Variants in TMCC1 observed in about 807,000 individuals in gnomAD.
The protein encoded by TMCC1 is transmembrane and coiled-coil domains protein 1.
TMCC1 carries 15 observed loss-of-function variants against 52.4 expected under a neutral mutation model. That is an observed-to-expected ratio of 0.29 (90% confidence interval 0.19 to 0.44). TMCC1 has a LOEUF of 0.44. Among genes scored for constraint, TMCC1 ranks in the 20% least tolerant of loss-of-function variants. TMCC1 has a pLI of 1.00. For missense variants in TMCC1, 503 were observed against 806.0 expected (o/e 0.62, Z 4.55); for synonymous variants, 279 against 301.9 (o/e 0.92, Z 0.79).
chr3:129,663,627 C>T (rs2087217101), intron 5 of TMCC1, among the ~76,000 whole-genome samples: 1 of 152,058 alleles, frequency 6.6e-6, no homozygotes, highest in Admixed American at 6.6e-5. Flanking sequence ...ATATCAGTCC[C>T]CCACAATATT....
intron 1 of TMCC1, among the ~76,000 whole-genome samples, chr3:129,882,374 G>A (rs928407714): frequency 6.6e-6 from 1 of 151,884 alleles, no homozygotes; most frequent in Non-Finnish European, 1.5e-5. Context: ...ACAAGTGCTG[G>A]CAAGGATATG....
chr3:129,649,543 C>G lies in TMCC1; in HGVS notation c.*1938G>C, dbSNP rs1285778932. ...TGAGGTTGGGGTGAAGACTGGAGTA[C>G]CTGAGTTAAAATATCAAAGTAGTTA... is the stretch of plus-strand genomic sequence containing the variant. On this transcript the variant is annotated 3_prime_UTR_variant, in exon 7 of 7. Transcript: ENST00000393238. 1.3e-5 allele frequency: 2 copies of G among 152,344 alleles called. No individual in the cohort carries two copies. Among genetic ancestry groups the G allele is most frequent in the African/African-American group, 4.8e-5 (2 of 41,342 alleles). The allele number at this position is 152,344 out of a possible 1,614,324, so 9.4% of individuals were successfully genotyped here. A position where few individuals can be genotyped will look rare whatever the true frequency, so the allele number is the denominator to read the frequency against.
In TMCC1 at chr3:129,671,016, G is replaced by T. The variant is rs771309363; in HGVS notation, c.825C>A (p.Ala275=). Residue 275 remains alanine (A), a synonymous_variant, in exon 5 of 7, where the codon GCC becomes GCA. Transcript: ENST00000393238. The part of the protein sequence containing the change: ...LANSADKQQA[A]RIKQVFEKKN... ...TCTTCTCAAAGACTTGCTTGATGCG[G>T]GCAGCCTGCTGTTTGTCTGCACTGT... is the stretch of plus-strand genomic sequence containing the variant. The T allele has an allele frequency of 1.2e-6, 2 of 1,614,150 alleles. No individual in the cohort carries two copies. The highest frequency in any genetic ancestry group is 2.2e-5 in the South Asian group (2 of 91,082).
At chr3:129,756,249 A>G (rs1323441202) in intron 4 of TMCC1, among the ~76,000 whole-genome samples, 1 of 152,232 alleles carries the variant, frequency 6.6e-6, no homozygotes, top group East Asian at 1.9e-4. Context: ...GAATGTTTAT[A>G]GTAGCTTTCT....
At chr3:129,871,251 T>C (rs2060914236) in intron 2 of TMCC1, among the ~76,000 whole-genome samples, 1 of 150,626 alleles carries the variant, frequency 6.6e-6, no homozygotes, top group South Asian at 2.1e-4. Flanking sequence ...CCCAGTTACT[T>C]GGGAGGGTGA....
intron 4 of TMCC1, among the ~76,000 whole-genome samples, chr3:129,676,792 T>C (rs543714582): frequency 6.6e-6 from 1 of 152,346 alleles, no homozygotes; most frequent in East Asian, 1.9e-4. Flanking sequence ...CTTAGTTTTC[T>C]CATCTATACA....
intron 4 of TMCC1, among the ~76,000 whole-genome samples, chr3:129,824,009 CA>C (rs2058546554): frequency 6.6e-6 from 1 of 152,100 alleles, no homozygotes; most frequent in African/African-American, 2.4e-5. Context: ...AGGCTCTGAA[CA>C]GAAAGAAAGT....
At chr3:129,785,071 A>C (rs2055887540) in intron 4 of TMCC1, among the ~76,000 whole-genome samples, 1 of 152,174 alleles carries the variant, frequency 6.6e-6, no homozygotes, top group African/African-American at 2.4e-5. Context: ...AATCCAATAC[A>C]AATATTTGGA....
chr3:129,756,632 C>T (rs184589819), intron 4 of TMCC1, among the ~76,000 whole-genome samples: 11 of 152,054 alleles, frequency 7.2e-5, no homozygotes, highest in African/African-American at 1.9e-4. Flanking sequence ...CTCTTGACAT[C>T]GTGATCCACC....
At chr3:129,714,650 G>A (rs139671927) in intron 4 of TMCC1, among the ~76,000 whole-genome samples, 1 of 152,074 alleles carries the variant, frequency 6.6e-6, no homozygotes, top group African/African-American at 2.4e-5. Flanking sequence ...TGCAATCAGG[G>A]TATAATTAAA....
At chr3:129,730,130 A>G (rs1433950340) in intron 4 of TMCC1, among the ~76,000 whole-genome samples, 10 of 152,152 alleles carry the variant, frequency 6.6e-5, no homozygotes, top group Admixed American at 6.5e-4. Flanking sequence ...AAAATTGTTA[A>G]GTTGAACCAT....
intron 4 of TMCC1, among the ~76,000 whole-genome samples, chr3:129,683,535 T>C (rs2089176993): frequency 6.6e-6 from 1 of 152,234 alleles, no homozygotes; most frequent in African/African-American, 2.4e-5. Flanking sequence ...TGGTTACCTG[T>C]AACCGAATAA....
At position 129,670,720 on chromosome 3, in the gene TMCC1, G is replaced by C; in HGVS notation, c.1121C>G (p.Ser374Ter). 6.2e-7 allele frequency: 1 copy of C among 1,614,206 alleles called. No homozygotes were observed. Among genetic ancestry groups the C allele is most frequent in the Non-Finnish European group, 8.5e-7 (1 of 1,180,034 alleles). Residue 374 changes from serine to a stop codon, truncating the protein, a stop_gained, in exon 5 of 7, where the codon TCA (serine) becomes TGA (stop). Transcript: ENST00000393238. LOFTEE classifies it high-confidence loss of function. ...ACTGCCAAATTTGTTCCGAATGAGTGAGGCAATCTCTCTGGGCTTTGAGAC... is the reference window on the plus strand; with the variant it reads ...ACTGCCAAATTTGTTCCGAATGAGTCAGGCAATCTCTCTGGGCTTTGAGAC... ...AVVSKPREIA[S>*]LIRNKFGSAD...
chr3:129,842,373 C>T (rs937658032), intron 2 of TMCC1, among the ~76,000 whole-genome samples: 1 of 151,904 alleles, frequency 6.6e-6, no homozygotes, highest in African/African-American at 2.4e-5. Context: ...GACTGAGGCA[C>T]GGGAATCACT....
intron 4 of TMCC1, among the ~76,000 whole-genome samples, chr3:129,727,263 A>G (rs571779899): frequency 6.6e-6 from 1 of 152,132 alleles, no homozygotes; most frequent in Non-Finnish European, 1.5e-5. Context: ...TTTTGGACAA[A>G]TTATTTCTTT....
At chr3:129,779,868 A>T (rs946977361) in intron 4 of TMCC1, among the ~76,000 whole-genome samples, 2 of 152,154 alleles carry the variant, frequency 1.3e-5, no homozygotes, top group South Asian at 4.2e-4. Context: ...TGAGTTATCA[A>T]TTACTTCATC....
At chr3:129,762,176 T>C (rs1302041164) in intron 4 of TMCC1, among the ~76,000 whole-genome samples, 2 of 151,992 alleles carry the variant, frequency 1.3e-5, no homozygotes, top group Non-Finnish European at 2.9e-5. Flanking sequence ...TAGCTGGGAC[T>C]GCAGGTGTGC....
At chr3:129,712,931 C>T (rs538515582) in intron 4 of TMCC1, among the ~76,000 whole-genome samples, 35 of 152,158 alleles carry the variant, frequency 2.3e-4, no homozygotes, top group Middle Eastern at 6.8e-3. Context: ...TAGAGCCTCT[C>T]GAGGTTCAAC....
chr3:129,802,133 T>C (rs747094440), intron 4 of TMCC1, among the ~76,000 whole-genome samples: 1 of 152,244 alleles, frequency 6.6e-6, no homozygotes, highest in Non-Finnish European at 1.5e-5. Context: ...GGGATTAATA[T>C]GTAACTATTC....
Sources: gnomAD v4.1 joint callset for allele counts (sites outside exome capture counted in the v4.1 genomes callset) on GRCh38, gnomAD v4.1.1 for gene constraint, MANE v1.5 for transcripts, NCBI Gene and HGNC (gene_info 2026-07-23, HGNC 2026-07-21) for gene names.